The following MAML2 variants were observed in gnomAD, a reference collection of about 807,000 sequenced individuals.
The protein encoded by MAML2 is mastermind like transcriptional coactivator 2.
In MAML2, 22 loss-of-function variants were observed where a neutral mutation model predicts 96.1. That is an observed-to-expected ratio of 0.23 (90% CI 0.16 to 0.33). MAML2 has a LOEUF of 0.33. Ranked by LOEUF, MAML2 falls within the 10% of genes least tolerant of loss-of-function variation. MAML2 has a pLI of 1.00. For missense variants in MAML2, 1,367 were observed against 1,392.4 expected (o/e 0.98, Z 0.29); for synonymous variants, 561 against 521.3 (o/e 1.08, Z -1.04).
chr11:96,009,488 T>A (rs1336074644), intron 2 of MAML2, among the ~76,000 whole-genome samples: 1 of 137,370 alleles, frequency 7.3e-6, no homozygotes, highest in Non-Finnish European at 1.6e-5. Flanking sequence ...ATTTAGTTTA[T>A]TTCAGTAATT....
Position 96,269,147 on chromosome 11 carries a change from A to G in MAML2, c.513+72236T>C, listed in dbSNP as rs1339945818. Among the ~76,000 whole-genome samples the G allele has an allele frequency of 2.1e-5, 3 of 144,888 alleles. 1 individual carries two copies. Among genetic ancestry groups the G allele is most frequent in the African/African-American group, 7.9e-5 (3 of 37,824 alleles). On this transcript the variant is annotated intron_variant, in intron 1 of 4. Coordinates refer to ENST00000524717, the MANE Select transcript of MAML2 (RefSeq NM_032427.4). ...GGAATCAAATATGCACAGACTTTTG[A>G]GAAATTTCAAGTTGCCTGTTATTGA...
intron 1 of MAML2, among the ~76,000 whole-genome samples, chr11:96,292,725 T>C (rs977867545): frequency 1.3e-5 from 2 of 152,230 alleles, no homozygotes; most frequent in Non-Finnish European, 1.5e-5. Flanking sequence ...AGAATCTTTT[T>C]CTAATCCTTT....
intron 1 of MAML2, among the ~76,000 whole-genome samples, chr11:96,326,246 T>C (rs1414212808): frequency 6.6e-6 from 1 of 152,078 alleles, no homozygotes; most frequent in Admixed American, 6.5e-5. Context: ...TTTCCTCTTA[T>C]GGCAGACTGG....
At chr11:96,221,535 G>A (rs557564851) in intron 1 of MAML2, among the ~76,000 whole-genome samples, 27 of 152,252 alleles carry the variant, frequency 1.8e-4, no homozygotes, top group African/African-American at 6.3e-4. Context: ...GGGAAAGCAG[G>A]AAATATTGTT....
Position 96,044,796 on chromosome 11 carries a change from T to C in MAML2, c.2139+47096A>G, listed in dbSNP as rs77047891. 1.3e-4 allele frequency among the ~76,000 whole-genome samples: 20 copies of C among 152,354 alleles called. 1 individual carries two copies. The East Asian group carries it at 3.9e-3, about 29-fold the overall frequency. On this transcript the variant is annotated intron_variant, in intron 2 of 4. Transcript: ENST00000524717. ...TGTCTCACCTATTTGGAAATGAAAG[T>C]TGTTGACGAAAAACTAAGTCATTCA...
chr11:95,991,583 T>C lies in MAML2; in HGVS notation c.2280A>G (p.Leu760=), dbSNP rs146587972. ...GTTTCTGCTCCATGATCTGCCTCTG[T>C]AGAGTCTGCTTCTTTCCCATCAATT... ...NQQLMGKKQT[L]QRQIMEQKQQ... Residue 760 remains leucine (L), a synonymous_variant, in exon 3 of 5, where the codon CTA becomes CTG. Transcript: ENST00000524717. 3 of 1,613,806 alleles carry C rather than the reference T, an allele frequency of 1.9e-6. No individual in the cohort carries two copies. The highest frequency in any genetic ancestry group is 1.1e-5 in the South Asian group (1 of 91,080).
At chr11:96,190,157 G>A (rs1861632960) in intron 1 of MAML2, among the ~76,000 whole-genome samples, 1 of 152,198 alleles carries the variant, frequency 6.6e-6, no homozygotes, top group Non-Finnish European at 1.5e-5. Flanking sequence ...TATACAAAAT[G>A]TGGACATTTG....
At chr11:96,017,145 T>A (rs1858366739) in intron 2 of MAML2, among the ~76,000 whole-genome samples, 1 of 152,228 alleles carries the variant, frequency 6.6e-6, no homozygotes, top group African/African-American at 2.4e-5. Flanking sequence ...TTGAGGTAGG[T>A]AGATCTTACT....
At chr11:96,097,172 A>G (rs1295423844) in intron 1 of MAML2, among the ~76,000 whole-genome samples, 1 of 152,200 alleles carries the variant, frequency 6.6e-6, no homozygotes, top group Non-Finnish European at 1.5e-5. Context: ...TATGGTATAG[A>G]GTCTCTCAAG....
At chr11:96,005,646 A>G (rs1194505306) in intron 2 of MAML2, among the ~76,000 whole-genome samples, 1 of 152,230 alleles carries the variant, frequency 6.6e-6, no homozygotes, top group Non-Finnish European at 1.5e-5. Context: ...TGAAGTAAAT[A>G]CACTGAAGCT....
At chr11:96,013,532 C>T (rs901059095) in intron 2 of MAML2, among the ~76,000 whole-genome samples, 7 of 152,204 alleles carry the variant, frequency 4.6e-5, no homozygotes, top group Admixed American at 3.9e-4. Flanking sequence ...TGAGGACAGG[C>T]ACTTCCTGCC....
intron 1 of MAML2, among the ~76,000 whole-genome samples, chr11:96,234,842 C>T (rs868048752): frequency 2.6e-5 from 4 of 152,090 alleles, no homozygotes; most frequent in African/African-American, 7.2e-5. Context: ...AAAAAAGATA[C>T]GTACTTAAAT....
intron 2 of MAML2, among the ~76,000 whole-genome samples, chr11:96,077,562 G>A (rs1201450399): frequency 6.6e-6 from 1 of 152,116 alleles, no homozygotes; most frequent in South Asian, 2.1e-4. Context: ...TGCCAATGTA[G>A]GCAGTTTCAA....
At chr11:96,249,546 T>C (rs779503963) in intron 1 of MAML2, among the ~76,000 whole-genome samples, 1 of 152,122 alleles carries the variant, frequency 6.6e-6, no homozygotes, top group Non-Finnish European at 1.5e-5. Context: ...ACTCCAACAA[T>C]ATCCCTCCAG....
intron 1 of MAML2, among the ~76,000 whole-genome samples, chr11:96,210,280 T>C (rs917011542): frequency 6.6e-6 from 1 of 152,016 alleles, no homozygotes; most frequent in Non-Finnish European, 1.5e-5. Context: ...TGGCTAATTT[T>C]TGTATTTTTG....
At chr11:96,097,618 G>GA (rs1275856814) in intron 1 of MAML2, among the ~76,000 whole-genome samples, 5 of 151,622 alleles carry the variant, frequency 3.3e-5, no homozygotes, top group Admixed American at 6.6e-5. Flanking sequence ...AGAACAGAAG[G>GA]AAAAAAATAA....
At chr11:96,274,241 C>G (rs2135981561) in intron 1 of MAML2, among the ~76,000 whole-genome samples, 1 of 152,146 alleles carries the variant, frequency 6.6e-6, no homozygotes, top group South Asian at 2.1e-4. Flanking sequence ...CGCTACCACG[C>G]CCTGCTAATT....
intron 1 of MAML2, among the ~76,000 whole-genome samples, chr11:96,241,219 C>T (rs1862434161): frequency 6.6e-6 from 1 of 152,232 alleles, no homozygotes; most frequent in African/African-American, 2.4e-5. Flanking sequence ...GTCTTCTCAG[C>T]ATCAAAGATT....
chr11:96,048,649 T>A (rs1181758524), intron 2 of MAML2, among the ~76,000 whole-genome samples: 1 of 152,208 alleles, frequency 6.6e-6, no homozygotes, highest in African/African-American at 2.4e-5. Flanking sequence ...ATTTTTAAAG[T>A]TTCCTAAAGA....
Sources: allele counts gnomAD v4.1 joint callset (sites outside exome capture counted in the v4.1 genomes callset), GRCh38; gene constraint gnomAD v4.1.1; transcripts MANE v1.5; gene names NCBI Gene and HGNC (gene_info 2026-07-23, HGNC 2026-07-21).